The following PTPRN2 variants were observed in gnomAD, a reference collection of about 807,000 sequenced individuals.
The protein encoded by PTPRN2 is receptor-type tyrosine-protein phosphatase N2.
A neutral mutation model predicts 118.8 loss-of-function variants in PTPRN2; 74 were observed. That is an observed-to-expected ratio of 0.62 (90% CI 0.52 to 0.76). The LOEUF (loss-of-function observed/expected upper bound fraction) is 0.76. PTPRN2 is among the 30% of genes least tolerant of loss of function. PTPRN2 has a pLI of 0.00. For missense variants in PTPRN2, 1,481 were observed against 1,394.4 expected (o/e 1.06, Z -0.99); for synonymous variants, 641 against 608.0 (o/e 1.05, Z -0.80).
chr7:157,747,448 G>T (rs1801047037), intron 12 of PTPRN2, among the ~76,000 whole-genome samples: 1 of 128,406 alleles, frequency 7.8e-6, no homozygotes, highest in African/African-American at 3.2e-5. Flanking sequence ...TGATTCTGAG[G>T]CCTGCGTCCC....
At chr7:157,872,664 C>T (rs866673711) in intron 12 of PTPRN2, among the ~76,000 whole-genome samples, 11 of 152,250 alleles carry the variant, frequency 7.2e-5, no homozygotes, top group African/African-American at 1.7e-4. Flanking sequence ...GGCGCTCTTG[C>T]GCCCAGGCCG....
intron 11 of PTPRN2, among the ~76,000 whole-genome samples, chr7:158,062,700 G>A (rs1481505836): frequency 6.6e-6 from 1 of 152,226 alleles, no homozygotes; most frequent in Non-Finnish European, 1.5e-5. Flanking sequence ...CAGGCAGTGA[G>A]GGGCTTAGCA....
At chr7:157,923,287 A>G (rs978646377) in intron 11 of PTPRN2, among the ~76,000 whole-genome samples, 3 of 152,080 alleles carry the variant, frequency 2.0e-5, no homozygotes, top group African/African-American at 4.8e-5. Flanking sequence ...GCAGCTAGCC[A>G]TAAGTTATGA....
chr7:157,706,357 C>T (rs1320910379), intron 12 of PTPRN2, among the ~76,000 whole-genome samples: 1 of 151,990 alleles, frequency 6.6e-6, no homozygotes, highest in East Asian at 1.9e-4. Flanking sequence ...CCAGTGCCTT[C>T]CGGATCAACA....
intron 3 of PTPRN2, among the ~76,000 whole-genome samples, chr7:158,215,036 C>T (rs988525505): frequency 5.3e-5 from 8 of 151,916 alleles, no homozygotes; most frequent in Non-Finnish European, 1.2e-4. Flanking sequence ...CCACAGAAAC[C>T]AACACTGAGA....
At chr7:158,429,306 C>T (rs533921594) in intron 2 of PTPRN2, among the ~76,000 whole-genome samples, 2 of 152,294 alleles carry the variant, frequency 1.3e-5, no homozygotes, top group South Asian at 4.1e-4. Context: ...GATCCACAGC[C>T]GGCACAAAGG....
chr7:157,550,637 C>T lies in PTPRN2; in HGVS notation c.2903-1618G>A, dbSNP rs951771662. Among the ~76,000 whole-genome samples, 9 of 152,326 alleles carry T rather than the reference C, an allele frequency of 5.9e-5. No homozygotes were observed. The highest frequency in any genetic ancestry group is 2.1e-4 in the South Asian group (1 of 4,830). On this transcript the variant is annotated intron_variant, in intron 21 of 22. Transcript: ENST00000389418. The surrounding 1 kb of genome is among the most constrained non-coding windows in gnomAD (Gnocchi z 5.2). ...GAGCCACTGTCGGGGCTAAGCTGGCCGTCCCTCCAGCTCCCATCCCCTGGT... is the reference window on the plus strand; with the variant it reads ...GAGCCACTGTCGGGGCTAAGCTGGCTGTCCCTCCAGCTCCCATCCCCTGGT...
chr7:158,427,964 TCCGAGACCAGC>T lies in PTPRN2; in HGVS notation c.163+61760_163+61770del, dbSNP rs1563281482. 2.9e-5 allele frequency among the ~76,000 whole-genome samples: 3 copies of T among 102,440 alleles called. 1 individual carries two copies. The highest frequency in any genetic ancestry group is 1.3e-4 in the African/African-American group (3 of 23,894). 67.2% of individuals were successfully genotyped at this position (102,440 alleles called of 152,430 possible). A position where few individuals can be genotyped will look rare whatever the true frequency, so the allele number is the denominator to read the frequency against. On this transcript the variant is annotated intron_variant, in intron 2 of 22. Transcript: ENST00000389418. ...GCGCACCGCCGGGAAAGACGCGGGG[TCCGAGACCAGC>T]CTAGCTGAGGCCTGCACAGCGCCGG...
intron 2 of PTPRN2, among the ~76,000 whole-genome samples, chr7:158,324,925 G>A (rs1803362467): frequency 6.6e-6 from 1 of 152,198 alleles, no homozygotes; most frequent in Admixed American, 6.5e-5. Context: ...GACACGTCCA[G>A]GCCTGCCCTA....
chr7:157,591,819 A>C lies in PTPRN2; in HGVS notation c.2496+3419T>G, dbSNP rs151051094. On this transcript the variant is annotated intron_variant, in intron 17 of 22. Coordinates refer to ENST00000389418, the MANE Select transcript of PTPRN2 (RefSeq NM_002847.5). This position sits in a 1 kb window ranked among gnomAD's most constrained non-coding sequence, Gnocchi z 4.4. ...TGGATTTATGGCATCGATGGTGGGC[A>C]GCTCCTGTGTTCTGCACAGAGGGAT... Among the ~76,000 whole-genome samples the C allele has an allele frequency of 2.7e-3, 404 of 152,348 alleles. 3 individuals are homozygous for C. Among genetic ancestry groups the C allele is most frequent in the African/African-American group, 9.2e-3 (384 of 41,586 alleles).
At chr7:158,371,310 G>A (rs7808362) in intron 2 of PTPRN2, among the ~76,000 whole-genome samples, 99,642 of 150,418 alleles carry the variant, frequency 0.66, 33,384 homozygotes, top group East Asian at 0.83. Context: ...TATAATAAGA[G>A]AGACTTCCTA....
chr7:158,337,741 A>T (rs559714430), intron 2 of PTPRN2, among the ~76,000 whole-genome samples: 24 of 143,722 alleles, frequency 1.7e-4, no homozygotes, highest in Middle Eastern at 3.6e-3. Flanking sequence ...TCACAACCAC[A>T]CTCTCACCAT....
At chr7:157,832,995 C>T (rs117277622) in intron 12 of PTPRN2, among the ~76,000 whole-genome samples, 1,618 of 151,468 alleles carry the variant, frequency 0.011, 18 homozygotes, top group Middle Eastern at 0.021. Flanking sequence ...ATGATAAACT[C>T]GTCCAGGAGC....
chr7:158,070,494 A>C (rs1195689004), intron 11 of PTPRN2, among the ~76,000 whole-genome samples: 1 of 85,066 alleles, frequency 1.2e-5, no homozygotes, highest in Non-Finnish European at 2.3e-5. Context: ...CTGGTGGTGG[A>C]GGTGCCCGTG....
chr7:158,456,720 G>A (rs1351780042), intron 2 of PTPRN2, among the ~76,000 whole-genome samples: 1 of 152,258 alleles, frequency 6.6e-6, no homozygotes, highest in Non-Finnish European at 1.5e-5. Flanking sequence ...GAGTCAGTTA[G>A]AGAAAATCTA....
chr7:158,481,527 C>T (rs534849799), intron 2 of PTPRN2, among the ~76,000 whole-genome samples: 19 of 152,316 alleles, frequency 1.2e-4, no homozygotes, highest in African/African-American at 4.3e-4. Context: ...TGCAGTGGTG[C>T]GATCTCGGCT....
chr7:158,506,594 G>A (rs570159537), intron 1 of PTPRN2, among the ~76,000 whole-genome samples: 4 of 151,902 alleles, frequency 2.6e-5, no homozygotes, highest in East Asian at 2.0e-4. Flanking sequence ...CTACAGGCCC[G>A]GGGTCTACAG....
chr7:158,270,860 ACCTGGACCGCCCCCTCCACCTGGATGAC>A (rs1563068082), intron 3 of PTPRN2, among the ~76,000 whole-genome samples: 4 of 7,660 alleles, frequency 5.2e-4, no homozygotes, highest in Admixed American at 4.0e-3. Context: ...CCGCCCCCCC[ACCTGGACCGCCCCCTCCACCTGGATGAC>A]CCCCTCCACC....
intron 4 of PTPRN2, among the ~76,000 whole-genome samples, chr7:158,200,055 G>A (rs1585826898): frequency 6.6e-6 from 1 of 151,468 alleles, no homozygotes; most frequent in East Asian, 1.9e-4. Flanking sequence ...GTATGAGAAG[G>A]CAAACAAGCC....
Sources: allele counts gnomAD v4.1 joint callset (sites outside exome capture counted in the v4.1 genomes callset), GRCh38; gene constraint gnomAD v4.1.1; non-coding constraint Gnocchi (gnomAD v3.1); transcripts MANE v1.5; gene names NCBI Gene and HGNC (gene_info 2026-07-23, HGNC 2026-07-21).